The following CASK variants were observed in gnomAD, a reference collection of about 807,000 sequenced individuals.
The protein encoded by CASK is calcium/calmodulin dependent serine protein kinase, also known as peripheral plasma membrane protein CASK.
In CASK, 4 loss-of-function variants were observed where a neutral mutation model predicts 82.9. The observed-to-expected ratio is 0.05, with a 90% CI of 0.02 to 0.11. CASK has a LOEUF of 0.11. CASK is among the 10% of genes least tolerant of loss of function. The probability of loss-of-function intolerance (pLI) is 1.00; values close to 1 mark genes in which losing one functional copy is unlikely to be tolerated. For missense variants in CASK, 358 were observed against 720.9 expected, an observed-to-expected ratio of 0.50 and a Z score of 5.76; for synonymous variants, 259 against 253.5, an observed-to-expected ratio of 1.02 and a Z score of -0.20.
chrX:41,683,710 C>T (rs1184936612), intron 5 of CASK, among the ~76,000 whole-genome samples: 3 of 111,648 alleles, frequency 2.7e-5, no homozygotes, highest in South Asian at 3.8e-4. Context: ...TTCAACTGTG[C>T]GGGGATTAGT....
intron 4 of CASK, among the ~76,000 whole-genome samples, chrX:41,745,110 T>C (rs2068665721): frequency 8.9e-6 from 1 of 112,024 alleles, no homozygotes; most frequent in South Asian, 3.7e-4. Flanking sequence ...CTCCACCTCC[T>C]GGGTTCAAAC....
intron 9 of CASK, among the ~76,000 whole-genome samples, chrX:41,630,589 T>C (rs2066449059): frequency 9.0e-6 from 1 of 111,687 alleles, no homozygotes; most frequent in African/African-American, 3.3e-5. Context: ...AACATCTAAA[T>C]ACAAAATATA....
At chrX:41,596,109 C>T (rs191927378) in intron 12 of CASK, among the ~76,000 whole-genome samples, 9 of 106,753 alleles carry the variant, frequency 8.4e-5, no homozygotes, top group African/African-American at 1.7e-4. Flanking sequence ...GCAGGAGGAT[C>T]GCTTGAACCC....
At chrX:41,840,466 TTTG>T (rs995782820) in intron 2 of CASK, among the ~76,000 whole-genome samples, 40 of 111,870 alleles carry the variant, frequency 3.6e-4, no homozygotes, top group African/African-American at 1.2e-3. Context: ...GTTCCAGGAG[TTTG>T]TTGTTGTTGT....
rs1223922960 is a variant in CASK, at chrX:41,618,342, T to C, written c.1033+4275A>G. Among the ~76,000 whole-genome samples the C allele has an allele frequency of 1.8e-5, 2 of 111,813 alleles. 1 individual carries two copies. The highest frequency in any genetic ancestry group is 3.8e-5 in the Non-Finnish European group (2 of 53,183). On this transcript the variant is annotated intron_variant, in intron 11 of 26. Transcript: ENST00000378163. ...TGAGACAGGATCTTGCTCTGTTGCC[T>C]AGGCTGGAGTGTAGTGGCGTGATCC...
intron 12 of CASK, among the ~76,000 whole-genome samples, chrX:41,594,487 C>G (rs1314814430): frequency 4.5e-5 from 5 of 112,069 alleles, no homozygotes; most frequent in Admixed American, 9.4e-5. Context: ...ATAGGCCCAC[C>G]TTGGTACACT....
chrX:41,722,004 ACATC>A (rs2068176928), intron 5 of CASK, among the ~76,000 whole-genome samples: 1 of 112,351 alleles, frequency 8.9e-6, no homozygotes, highest in Admixed American at 9.4e-5. Context: ...TTGTGACTAA[ACATC>A]CTACTTCTGT....
At chrX:41,536,641 T>C (rs961948542) in intron 22 of CASK, among the ~76,000 whole-genome samples, 2 of 112,160 alleles carry the variant, frequency 1.8e-5, no homozygotes, top group Admixed American at 9.5e-5. Flanking sequence ...TAGAGGTTAG[T>C]GTATATTAAT....
At chrX:41,591,830 G>A (rs5917435) in intron 12 of CASK, among the ~76,000 whole-genome samples, 13,283 of 110,899 alleles carry the variant, frequency 0.12, 720 homozygotes, top group Middle Eastern at 0.17. Context: ...CTCATGTTAA[G>A]TGTTCCTATC....
At chrX:41,570,077 A>T (rs372411218) in intron 15 of CASK, among the ~76,000 whole-genome samples, 1 of 86,987 alleles carries the variant, frequency 1.1e-5, no homozygotes, top group East Asian at 3.7e-4. Context: ...ATCACAGCTT[A>T]CTGCTACCTC....
At chrX:41,708,073 G>A (rs986378559) in intron 5 of CASK, among the ~76,000 whole-genome samples, 6 of 102,574 alleles carry the variant, frequency 5.8e-5, no homozygotes, top group African/African-American at 1.8e-4. Flanking sequence ...AGCCGAGATC[G>A]CGCCACTGCA....
intron 1 of CASK, among the ~76,000 whole-genome samples, chrX:41,886,133 G>A (rs1308978110): frequency 8.9e-6 from 1 of 111,756 alleles, no homozygotes; most frequent in African/African-American, 3.2e-5. Flanking sequence ...CCAACCTCAA[G>A]AAGAGCAGTG....
chrX:41,839,509 G>A (rs1331536742), intron 2 of CASK, among the ~76,000 whole-genome samples: 2 of 108,359 alleles, frequency 1.8e-5, no homozygotes, highest in African/African-American at 6.7e-5. Flanking sequence ...CTTGACAAAC[G>A]CACTCACTAG....
chrX:41,889,611 TTA>T (rs759220035), intron 1 of CASK, among the ~76,000 whole-genome samples: 1 of 111,803 alleles, frequency 8.9e-6, no homozygotes, highest in South Asian at 3.7e-4. Flanking sequence ...AAAGTAACAT[TTA>T]TACAGTGGTC....
At chrX:41,544,578 A>C (rs1474135355) in intron 21 of CASK, among the ~76,000 whole-genome samples, 9 of 108,478 alleles carry the variant, frequency 8.3e-5, no homozygotes, top group South Asian at 3.9e-4. Flanking sequence ...AAAAAAAAAA[A>C]AAAAAAAACA....
chrX:41,521,944 C>T (rs1388542548), intron 26 of CASK, among the ~76,000 whole-genome samples: 1 of 111,948 alleles, frequency 8.9e-6, no homozygotes, highest in Non-Finnish European at 1.9e-5. Flanking sequence ...TAGTGCCAGT[C>T]ATTATAGGGT....
At chrX:41,849,503 T>C (rs2147964174) in intron 2 of CASK, among the ~76,000 whole-genome samples, 1 of 112,131 alleles carries the variant, frequency 8.9e-6, no homozygotes, top group South Asian at 3.7e-4. Flanking sequence ...AGAAACTTCT[T>C]ATTCATCTCA....
intron 9 of CASK, among the ~76,000 whole-genome samples, chrX:41,627,347 T>A (rs938825630): frequency 8.9e-6 from 1 of 112,280 alleles, no homozygotes; most frequent in African/African-American, 3.2e-5. Context: ...GTGCATGACA[T>A]CCCTTAGGAC....
chrX:41,829,764 T>C (rs2070757989), intron 2 of CASK, among the ~76,000 whole-genome samples: 1 of 57,334 alleles, frequency 1.7e-5, no homozygotes, highest in African/African-American at 6.2e-5. Context: ...TATGTCAGCT[T>C]TGGTAGATAT....
Sources: allele counts gnomAD v4.1 joint callset (sites outside exome capture counted in the v4.1 genomes callset), GRCh38; gene constraint gnomAD v4.1.1; transcripts MANE v1.5; gene names NCBI Gene and HGNC (gene_info 2026-07-23, HGNC 2026-07-21).